The following EYS variants were observed in gnomAD, a reference collection of about 807,000 sequenced individuals.
EYS encodes protein eyes shut homolog.
A neutral mutation model predicts 282.1 loss-of-function variants in EYS; 250 were observed. The ratio of observed to expected loss-of-function variants is 0.89; its 90% CI spans 0.80 to 0.98. The LOEUF is 0.98. EYS is among the 50% of genes least tolerant of loss of function. The probability of loss-of-function intolerance (pLI) is 0.00; values close to 1 mark genes in which losing one functional copy is unlikely to be tolerated. For synonymous variants in EYS, 1,355 were observed against 1,282.9 expected, an observed-to-expected ratio of 1.06 and a Z score of -1.20; for missense variants, 4,016 against 3,709.0, an observed-to-expected ratio of 1.08 and a Z score of -2.15.
At chr6:65,703,026 G>T (rs1236324873) in intron 1 of EYS, among the ~76,000 whole-genome samples, 1 of 152,096 alleles carries the variant, frequency 6.6e-6, no homozygotes, top group Non-Finnish European at 1.5e-5. Context: ...AAAGACTGAG[G>T]TCCTCTAAAA....
intron 32 of EYS, among the ~76,000 whole-genome samples, chr6:64,081,641 A>C (rs570884023): frequency 1.7e-3 from 262 of 152,304 alleles, no homozygotes; most frequent in African/African-American, 6.1e-3. Flanking sequence ...CTGTCTTGTC[A>C]GCTCAGATCC....
intron 19 of EYS, among the ~76,000 whole-genome samples, chr6:64,864,827 G>A (rs1766371166): frequency 6.6e-6 from 1 of 151,802 alleles, no homozygotes; most frequent in South Asian, 2.1e-4. Flanking sequence ...CCTGAGGTCA[G>A]GAGTTTGAGA....
At chr6:64,992,132 A>G (rs202132908) in intron 14 of EYS, among the ~76,000 whole-genome samples, 1 of 151,890 alleles carries the variant, frequency 6.6e-6, no homozygotes, top group Admixed American at 6.6e-5. Context: ...CCTACATTTT[A>G]TGGAAGAAAC....
chr6:65,267,532 T>C (rs1767790782), intron 12 of EYS, among the ~76,000 whole-genome samples: 1 of 152,018 alleles, frequency 6.6e-6, no homozygotes, highest in Non-Finnish European at 1.5e-5. Context: ...AATCATAATT[T>C]ATCGGATGAA....
At chr6:65,563,591 A>C (rs1335249950) in intron 2 of EYS, among the ~76,000 whole-genome samples, 1 of 152,034 alleles carries the variant, frequency 6.6e-6, no homozygotes, top group East Asian at 1.9e-4. Context: ...TTATCTAAAG[A>C]AAACCCCACT....
At chr6:63,776,365 G>T (rs1770064785) in intron 40 of EYS, among the ~76,000 whole-genome samples, 1 of 152,084 alleles carries the variant, frequency 6.6e-6, no homozygotes, top group Admixed American at 6.6e-5. Flanking sequence ...ATTCTGGAGA[G>T]AATCTTGACC....
At chr6:65,396,081 C>G (rs2150359930) in intron 7 of EYS, among the ~76,000 whole-genome samples, 1 of 152,232 alleles carries the variant, frequency 6.6e-6, no homozygotes, top group East Asian at 1.9e-4. Context: ...AAACACATCA[C>G]ATCCTCTTTA....
At chr6:65,599,826 T>A (rs1376282438) in intron 2 of EYS, among the ~76,000 whole-genome samples, 1 of 152,000 alleles carries the variant, frequency 6.6e-6, no homozygotes, top group Non-Finnish European at 1.5e-5. Context: ...GAACTTATTT[T>A]ATAAGGTTTC....
intron 1 of EYS, among the ~76,000 whole-genome samples, chr6:65,646,396 C>G (rs1346696149): frequency 6.6e-6 from 1 of 151,912 alleles, no homozygotes; most frequent in Non-Finnish European, 1.5e-5. Context: ...ATGTGATACC[C>G]AACATAAACA....
rs1479633946 is a variant in EYS at position 65,057,666 on chromosome 6, G to A, written c.2085C>T (p.Thr695=). The change falls in exon 13 of 43, where the codon ACC becomes ACT. Residue 695 remains threonine (T), a synonymous_variant. Transcript: ENST00000503581. ...CASHPCKNGA[T]CIDQPGNYFC... ...AGTAATTACCAGGTTGGTCAATGCAGGTGGCTCCATTTTTGCAGGGATGTG... is the reference window on the plus strand; with the variant it reads ...AGTAATTACCAGGTTGGTCAATGCAAGTGGCTCCATTTTTGCAGGGATGTG... The A allele has an allele frequency of 2.6e-6, 4 of 1,551,118 alleles. No homozygotes were observed. Among genetic ancestry groups the A allele is most frequent in the East Asian group, 2.4e-5 (1 of 40,890 alleles).
intron 13 of EYS, among the ~76,000 whole-genome samples, chr6:65,012,801 C>A (rs1583396889): frequency 9.0e-6 from 1 of 111,236 alleles, no homozygotes; most frequent in African/African-American, 4.2e-5. Flanking sequence ...CTTCACTTTC[C>A]AAGTACAGCA....
chr6:64,561,356 A>G (rs1765388847), intron 26 of EYS, among the ~76,000 whole-genome samples: 1 of 152,168 alleles, frequency 6.6e-6, no homozygotes, highest in South Asian at 2.1e-4. Context: ...AATAAAGGGA[A>G]TCCAAATAGT....
At chr6:65,248,698 G>A (rs1767243230) in intron 12 of EYS, among the ~76,000 whole-genome samples, 2 of 151,888 alleles carry the variant, frequency 1.3e-5, no homozygotes, top group African/African-American at 4.8e-5. Context: ...CTGTCTATCA[G>A]TCCACAAATT....
chr6:64,066,484 C>A lies in EYS; in HGVS notation c.6579G>T (p.Gly2193=). The change falls in exon 33 of 43, where the codon GGG becomes GGT. Residue 2193 remains glycine (G), a synonymous_variant. Coordinates refer to ENST00000503581, the MANE Select transcript of EYS (RefSeq NM_001142800.2). The part of the protein sequence containing the change: ...SLNGTILYSN[G]NNCGKQFLHL... The stretch of plus-strand genomic sequence containing the variant: ...GAAGAAACTGCTTTCCACAATTATT[C>A]CCATTACCTTTAAGAAAAAAAGAAT... 1 of 1,527,956 alleles carries A rather than the reference C, an allele frequency of 6.5e-7. No individual in the cohort carries two copies. 94.6% of individuals were successfully genotyped at this position (1,527,956 alleles called of 1,614,324 possible). A position where few individuals can be genotyped will look rare whatever the true frequency, so the allele number is the denominator to read the frequency against.
intron 8 of EYS, among the ~76,000 whole-genome samples, chr6:65,374,378 C>T (rs143229518): frequency 6.6e-6 from 1 of 152,238 alleles, no homozygotes; most frequent in Admixed American, 6.5e-5. Context: ...AGATACTACA[C>T]TTTTCCCATG....
At chr6:64,534,923 A>C (rs1305335686) in intron 26 of EYS, among the ~76,000 whole-genome samples, 2 of 152,164 alleles carry the variant, frequency 1.3e-5, no homozygotes, top group East Asian at 3.9e-4. Flanking sequence ...ACAAAGGTGC[A>C]TGCACACACA....
chr6:63,972,500 G>C (rs9344621), intron 35 of EYS, among the ~76,000 whole-genome samples: 53,717 of 152,010 alleles, frequency 0.35, 9,570 homozygotes, highest in African/African-American at 0.38. Context: ...AAGTCCCACT[G>C]CTAAAAATAG....
chr6:64,902,806 A>T (rs924458940), intron 16 of EYS, among the ~76,000 whole-genome samples: 1 of 152,148 alleles, frequency 6.6e-6, no homozygotes, highest in Non-Finnish European at 1.5e-5. Context: ...GAACAAGAAG[A>T]ATTGAAATGA....
At chr6:65,485,815 A>G (rs1052958834) in intron 5 of EYS, among the ~76,000 whole-genome samples, 11 of 152,178 alleles carry the variant, frequency 7.2e-5, no homozygotes, top group African/African-American at 2.4e-4. Context: ...CAAAAAAAAA[A>G]ATGTGAGCCA....
Sources: allele counts gnomAD v4.1 joint callset (sites outside exome capture counted in the v4.1 genomes callset), GRCh38; gene constraint gnomAD v4.1.1; transcripts MANE v1.5; gene names NCBI Gene and HGNC (gene_info 2026-07-23, HGNC 2026-07-21).